ZNF555: variants seen among roughly 807,000 people sequenced by gnomAD.
ZNF555 encodes zinc finger protein 555.
ZNF555 carries 10 observed loss-of-function variants against 14.0 expected under a neutral mutation model. The ratio of observed to expected loss-of-function variants is 0.72; its 90% CI spans 0.44 to 1.21. The LOEUF (loss-of-function observed/expected upper bound fraction) is 1.21, where lower values mean the gene tolerates loss of function less well. Ranked by LOEUF, ZNF555 falls within the 50% of genes most tolerant of loss-of-function variation. The pLI is 0.00. For synonymous variants in ZNF555, 277 were observed against 262.4 expected (o/e 1.06, Z -0.54); for missense variants, 747 against 762.0 (o/e 0.98, Z 0.23).
Position 2,852,956 on chromosome 19 carries a change from A to G in ZNF555, c.891A>G (p.Ser297=). 1 of 1,614,254 alleles carries G rather than the reference A, an allele frequency of 6.2e-7. No individual in the cohort carries two copies. ...GTGCGGAAGCCTTTAGTTATTCCTC[A>G]ACTTTTCGAAGACATATGATTTCAC... ...KECAEAFSYS[S]TFRRHMISHT... Residue 297 remains serine (S), a synonymous_variant, in exon 4 of 4, where the codon TCA becomes TCG. Transcript: ENST00000334241.
At chr19:2,844,067 TCTCC>T (rs1424650958) in intron 1 of ZNF555, among the ~76,000 whole-genome samples, 1 of 151,468 alleles carries the variant, frequency 6.6e-6, no homozygotes, top group Non-Finnish European at 1.5e-5. Flanking sequence ...TTTTTTTCTT[TCTCC>T]CTCTTTCCTT....
At position 2,860,192 on chromosome 19, in the gene ZNF555, C is replaced by G. The variant is rs1039067372; in HGVS notation, c.*6240C>G. ...CTTGAGTGTGCTTGGGTGTGTCCAA[C>G]CGTTTTTCCTAGTGACAAAGTCTGG... On this transcript the variant is annotated 3_prime_UTR_variant, in exon 4 of 4. Transcript: ENST00000334241. 3 of 152,144 alleles carry G rather than the reference C, an allele frequency of 2.0e-5. No individual in the cohort carries two copies. The highest frequency in any genetic ancestry group is 7.2e-5 in the African/African-American group (3 of 41,468). 9.4% of individuals were successfully genotyped at this position (152,144 alleles called of 1,614,324 possible). A position where few individuals can be genotyped will look rare whatever the true frequency, so the allele number is the denominator to read the frequency against.
chr19:2,852,235 G>C (rs2087636215), intron 3 of ZNF555, 145 bp from the exon 4 acceptor site: 8 of 888,422 alleles, frequency 9.0e-6, no homozygotes, highest in Non-Finnish European at 1.4e-5. Flanking sequence ...ATCTTCCAGG[G>C]CATTCAGTTT....
In ZNF555 at chr19:2,858,318, A is replaced by T. The variant is rs961106526; in HGVS notation, c.*4366A>T. Reference sequence around the variant, plus strand: ...GTTTTGAAACACCCACAAGGGCCATACCTGACTTTATCTCACGCACATAAC... The same window carrying T: ...GTTTTGAAACACCCACAAGGGCCATTCCTGACTTTATCTCACGCACATAAC... On this transcript the variant is annotated 3_prime_UTR_variant, in exon 4 of 4. Coordinates refer to ENST00000334241, the MANE Select transcript of ZNF555 (RefSeq NM_152791.5). 4.7e-4 allele frequency: 71 copies of T among 152,312 alleles called. No individual in the cohort carries two copies. The highest frequency in any genetic ancestry group is 1.7e-3 in the African/African-American group (71 of 41,544). 9.4% of individuals were successfully genotyped at this position (152,312 alleles called of 1,614,324 possible). A position where few individuals can be genotyped will look rare whatever the true frequency, so the allele number is the denominator to read the frequency against.
intron 3 of ZNF555, among the ~76,000 whole-genome samples, chr19:2,852,085 T>C (rs1029989296): frequency 4.6e-5 from 7 of 151,750 alleles, no homozygotes; most frequent in Non-Finnish European, 8.8e-5. Context: ...GAGGCAGAGG[T>C]TGCAGTGAGC....
In ZNF555 at chr19:2,855,994, G is replaced by A. The variant is rs930042456; in HGVS notation, c.*2042G>A. The A allele has an allele frequency of 3.3e-5, 5 of 151,944 alleles. No homozygotes were observed. The highest frequency in any genetic ancestry group is 7.3e-5 in the African/African-American group (3 of 41,340). The allele number at this position is 151,944 out of a possible 1,614,324, so 9.4% of individuals were successfully genotyped here. On this transcript the variant is annotated 3_prime_UTR_variant, in exon 4 of 4. Coordinates refer to ENST00000334241, the MANE Select transcript of ZNF555 (RefSeq NM_152791.5). ...AGGCACCGCGAATTAAGATTTCAAC[G>A]TAAAAATTTTAGGAGACCCAATTCA... is the stretch of plus-strand genomic sequence containing the variant.
chr19:2,850,418 A>G (rs2087618878), intron 1 of ZNF555, among the ~76,000 whole-genome samples, 169 bp from the exon 2 acceptor site: 2 of 152,242 alleles, frequency 1.3e-5, no homozygotes, highest in Non-Finnish European at 2.9e-5. Context: ...GGTCCTGTGA[A>G]ATCTATGAGG....
At chr19:2,842,445 T>C (rs2087545849) in intron 1 of ZNF555, among the ~76,000 whole-genome samples, 1 of 152,182 alleles carries the variant, frequency 6.6e-6, no homozygotes, top group Admixed American at 6.5e-5. Flanking sequence ...GCTGGTGCAT[T>C]AGTGTCCTCG....
In ZNF555 at chr19:2,860,309, T is replaced by TC. The variant is rs1343815081; in HGVS notation, c.*6359dup. The TC allele has an allele frequency of 6.6e-6, 1 of 152,188 alleles. No homozygotes were observed. Among genetic ancestry groups the TC allele is most frequent in the African/African-American group, 2.4e-5 (1 of 41,446 alleles). 9.4% of individuals were successfully genotyped at this position (152,188 alleles called of 1,614,324 possible). On this transcript the variant is annotated 3_prime_UTR_variant, in exon 4 of 4. Transcript: ENST00000334241. ...TTTCAGGAAAGAGTGTCTGTGAATGTCCATGTGTCTCACTGCACAGCTGTG... is the reference window on the plus strand; with the variant it reads ...TTTCAGGAAAGAGTGTCTGTGAATGTCCCATGTGTCTCACTGCACAGCTGTG...
intron 3 of ZNF555, 37 bp downstream of exon 3, chr19:2,851,688 A>T (rs919590370): frequency 2.7e-5 from 39 of 1,445,208 alleles, no homozygotes; most frequent in Non-Finnish European, 3.6e-5. Context: ...GTATTTCAGG[A>T]GAGAATCTTA....
Position 2,853,236 on chromosome 19 carries a change from G to C in ZNF555, c.1171G>C (p.Gly391Arg). 6.2e-7 allele frequency: 1 copy of C among 1,613,210 alleles called. No homozygotes were observed. The highest frequency in any genetic ancestry group is 8.5e-7 in the Non-Finnish European group (1 of 1,179,806). ...QSFRRHERTH[G>R]GEKPYECNQC... ...CTTTCGAAGACATGAAAGGACTCAT[G>C]GTGGAGAGAAACCCTATGAATGCAA... The change falls in exon 4 of 4, where the codon GGT (glycine) becomes CGT (arginine). Residue 391 changes from glycine (G) to arginine (R), a missense_variant. Transcript: ENST00000334241.
intron 2 of ZNF555, 69 bp from the exon 3 acceptor site, chr19:2,851,399 T>C (rs2144853348): frequency 1.5e-6 from 2 of 1,343,326 alleles, no homozygotes; most frequent in Non-Finnish European, 2.0e-6. Flanking sequence ...CTGAGATAGC[T>C]AAACTCCTCA....
intron 1 of ZNF555, among the ~76,000 whole-genome samples, chr19:2,841,867 G>C (rs1279638711): frequency 6.6e-6 from 1 of 151,664 alleles, no homozygotes; most frequent in Non-Finnish European, 1.5e-5. Context: ...CCGCGTCCCT[G>C]CGCTCCCGAC....
chr19:2,854,172 TATTTA>T lies in ZNF555; in HGVS notation c.*225_*229del, dbSNP rs1183638794. On this transcript the variant is annotated 3_prime_UTR_variant, in exon 4 of 4. Coordinates refer to ENST00000334241, the MANE Select transcript of ZNF555 (RefSeq NM_152791.5). Reference sequence around the variant, plus strand: ...TTAATATGCAAGTAGGTTCAAGTTTTATTTAATTTCTTAAATTGTAACTGACTTAG... The same window carrying T: ...TTAATATGCAAGTAGGTTCAAGTTTTATTTCTTAAATTGTAACTGACTTAG... The T allele has an allele frequency of 5.5e-6, 3 of 548,614 alleles. No individual in the cohort carries two copies. The highest frequency in any genetic ancestry group is 7.4e-5 in the Admixed American group (2 of 27,078). The allele number at this position is 548,614 out of a possible 1,614,324, so 34.0% of individuals were successfully genotyped here. A position where few individuals can be genotyped will look rare whatever the true frequency, so the allele number is the denominator to read the frequency against.
rs190101446 is a variant in ZNF555, at chr19:2,857,223, C to G, written c.*3271C>G. ...ATAGATGAATGTGATTTGGCAGTCA[C>G]TTGTATTTCTTAACACCCACTTACC... On this transcript the variant is annotated 3_prime_UTR_variant, in exon 4 of 4. Transcript: ENST00000334241. The G allele has an allele frequency of 1.3e-5, 2 of 152,296 alleles. No individual in the cohort carries two copies. The highest frequency in any genetic ancestry group is 1.3e-4 in the Admixed American group (2 of 15,286). 9.4% of individuals were successfully genotyped at this position (152,296 alleles called of 1,614,324 possible).
At chr19:2,841,625 GA>G (rs2087536702) in intron 1 of ZNF555, 50 bp downstream of exon 1, 2 of 1,431,728 alleles carry the variant, frequency 1.4e-6, no homozygotes, top group Non-Finnish European at 1.8e-6. Context: ...AGGAACCGGC[GA>G]CCGCCCGAGA....
At chr19:2,845,322 A>G (rs1220474169) in intron 1 of ZNF555, among the ~76,000 whole-genome samples, 1 of 152,222 alleles carries the variant, frequency 6.6e-6, no homozygotes, top group Non-Finnish European at 1.5e-5. Flanking sequence ...GCTGTGTAGT[A>G]TTCCATGGTA....
intron 1 of ZNF555, among the ~76,000 whole-genome samples, chr19:2,847,962 C>T (rs1264811094): frequency 1.3e-5 from 2 of 152,096 alleles, no homozygotes; most frequent in Admixed American, 6.5e-5. Flanking sequence ...TAAAAAAGCA[C>T]GGAGTGTCCC....
rs2087689373 is a variant in ZNF555, at chr19:2,857,108, C to T, written c.*3156C>T. On this transcript the variant is annotated 3_prime_UTR_variant, in exon 4 of 4. Coordinates refer to ENST00000334241, the MANE Select transcript of ZNF555 (RefSeq NM_152791.5). ...AGAATTAACTAGGGAAGAGGAAAAACATGTAACACCTTAGAGTTTTATTAA... is the reference window on the plus strand; with the variant it reads ...AGAATTAACTAGGGAAGAGGAAAAATATGTAACACCTTAGAGTTTTATTAA... 1 of 152,288 alleles carries T rather than the reference C, an allele frequency of 6.6e-6. No homozygotes were observed. The highest frequency in any genetic ancestry group is 2.4e-5 in the African/African-American group (1 of 41,566). 9.4% of individuals were successfully genotyped at this position (152,288 alleles called of 1,614,324 possible).
Sources: allele counts gnomAD v4.1 joint callset (sites outside exome capture counted in the v4.1 genomes callset), GRCh38; gene constraint gnomAD v4.1.1; transcripts MANE v1.5; gene names NCBI Gene and HGNC (gene_info 2026-07-23, HGNC 2026-07-21).